Variants in DAPP1 observed in about 807,000 individuals in gnomAD.
The protein encoded by DAPP1 is dual adaptor of phosphotyrosine and 3-phosphoinositides 1.
DAPP1 carries 20 observed loss-of-function variants against 41.5 expected under a neutral mutation model. The observed-to-expected ratio is 0.48, with a 90% CI of 0.34 to 0.70. The LOEUF (loss-of-function observed/expected upper bound fraction) is 0.70, where lower values mean the gene tolerates loss of function less well. DAPP1 is among the 30% of genes least tolerant of loss of function. DAPP1 has a pLI of 0.01. For synonymous variants in DAPP1, 113 were observed against 116.2 expected (o/e 0.97, Z 0.18); for missense variants, 233 against 333.4 (o/e 0.70, Z 2.35).
chr4:99,855,596 T>C (rs1233549266), intron 4 of DAPP1, among the ~76,000 whole-genome samples: 1 of 152,210 alleles, frequency 6.6e-6, no homozygotes, highest in African/African-American at 2.4e-5. Flanking sequence ...GCTTATGAAG[T>C]TGATTGTACA....
chr4:99,866,744 C>A, intron 8 of DAPP1: 4 of 507,162 alleles, frequency 7.9e-6, no homozygotes, highest in Non-Finnish European at 1.4e-5. Flanking sequence ...ATCTTAAAAA[C>A]TTTGATGATT....
At position 99,827,335 on chromosome 4, in the gene DAPP1, C is replaced by G. The variant is rs185522813; in HGVS notation, c.102-8288C>G. 2.8e-3 allele frequency among the ~76,000 whole-genome samples: 419 copies of G among 151,894 alleles called. 3 individuals are homozygous for G. Among genetic ancestry groups the G allele is most frequent in the African/African-American group, 9.5e-3 (395 of 41,386 alleles). On this transcript the variant is annotated intron_variant, in intron 1 of 8. Coordinates refer to ENST00000512369, the MANE Select transcript of DAPP1 (RefSeq NM_014395.3). ...GGATCACGAGGTCAGGAGATCGAGA[C>G]CATCCTGGCTAACAAGGTGAAACCC...
chr4:99,868,327 C>T lies in DAPP1; in HGVS notation c.*142C>T, dbSNP rs770469951. On this transcript the variant is annotated 3_prime_UTR_variant, in exon 9 of 9. Coordinates refer to ENST00000512369, the MANE Select transcript of DAPP1 (RefSeq NM_014395.3). ...TCAGAAGCAGATGCTGATTGGGACC[C>T]ATATACCACGTTGCTGACTCACGTT... is the stretch of plus-strand genomic sequence containing the variant. 2.0e-4 allele frequency: 144 copies of T among 720,060 alleles called. No homozygotes were observed. Among genetic ancestry groups the T allele is most frequent in the Non-Finnish European group, 3.0e-4 (128 of 425,400 alleles). The allele number at this position is 720,060 out of a possible 1,614,324, so 44.6% of individuals were successfully genotyped here. A position where few individuals can be genotyped will look rare whatever the true frequency, so the allele number is the denominator to read the frequency against.
At chr4:99,859,253 G>A (rs1257668781) in intron 4 of DAPP1, among the ~76,000 whole-genome samples, 5 of 151,964 alleles carry the variant, frequency 3.3e-5, no homozygotes, top group African/African-American at 1.2e-4. Context: ...CTTACTTTCT[G>A]AATAGCAAGA....
chr4:99,867,400 A>C (rs528852827), intron 8 of DAPP1, among the ~76,000 whole-genome samples: 24 of 152,358 alleles, frequency 1.6e-4, no homozygotes, highest in African/African-American at 5.5e-4. Context: ...ATATTTAAAA[A>C]CAAAATTTAA....
At chr4:99,838,439 C>T (rs56996205) in intron 2 of DAPP1, among the ~76,000 whole-genome samples, 2 of 152,192 alleles carry the variant, frequency 1.3e-5, no homozygotes, top group African/African-American at 2.4e-5. Context: ...CACTTTGGTA[C>T]GTGTTGTAGA....
At position 99,868,682 on chromosome 4, in the gene DAPP1, TA is replaced by T. The variant is rs398107729; in HGVS notation, c.*499del. On this transcript the variant is annotated 3_prime_UTR_variant, in exon 9 of 9. Coordinates refer to ENST00000512369, the MANE Select transcript of DAPP1 (RefSeq NM_014395.3). ...TTTTCAGGGGAGAGGTTTTTTTTTT[TA>T]ATTTTTCCCCCTTTATACAAAAAAA... 6.6e-6 allele frequency: 1 copy of T among 151,244 alleles called. No individual in the cohort carries two copies. Among genetic ancestry groups the T allele is most frequent in the Non-Finnish European group, 1.5e-5 (1 of 67,830 alleles). The allele number at this position is 151,244 out of a possible 1,614,324, so 9.4% of individuals were successfully genotyped here.
At chr4:99,859,427 C>T (rs752623995) in intron 4 of DAPP1, among the ~76,000 whole-genome samples, 3 of 152,108 alleles carry the variant, frequency 2.0e-5, no homozygotes, top group Non-Finnish European at 2.9e-5. Context: ...ACTCAGTGAG[C>T]AGAGCTGGGA....
At chr4:99,859,086 T>A (rs534743280) in intron 4 of DAPP1, among the ~76,000 whole-genome samples, 43 of 152,178 alleles carry the variant, frequency 2.8e-4, no homozygotes, top group South Asian at 6.2e-4. Context: ...TTCATTTTTT[T>A]ATTTTTTTTT....
chr4:99,856,800 A>G (rs919133), intron 4 of DAPP1, among the ~76,000 whole-genome samples: 75,652 of 151,438 alleles, frequency 0.5, 19,560 homozygotes, highest in African/African-American at 0.64. Flanking sequence ...ATCAGTATTT[A>G]TGCTAATTCC....
intron 3 of DAPP1, among the ~76,000 whole-genome samples, chr4:99,849,465 G>A (rs1723781257): frequency 6.6e-6 from 1 of 152,136 alleles, no homozygotes; most frequent in East Asian, 1.9e-4. Context: ...TTGACTGATA[G>A]GTGCGCTGAA....
rs145408728 is a variant in DAPP1, at chr4:99,824,255, C to T, written c.101+7241C>T. On this transcript the variant is annotated intron_variant, in intron 1 of 8. Coordinates refer to ENST00000512369, the MANE Select transcript of DAPP1 (RefSeq NM_014395.3). ...GTTTATTCATCTTTGCCTTCTCCAT[C>T]TGAGCATACCACTTGATAAAGAGCA... is the stretch of plus-strand genomic sequence containing the variant. Among the ~76,000 whole-genome samples the T allele has an allele frequency of 1.4e-3, 219 of 152,350 alleles. 1 individual carries two copies. Among genetic ancestry groups the T allele is most frequent in the South Asian group, 0.012 (58 of 4,834 alleles).
At chr4:99,835,046 T>C (rs2110142677) in intron 1 of DAPP1, among the ~76,000 whole-genome samples, 1 of 152,018 alleles carries the variant, frequency 6.6e-6, no homozygotes, top group East Asian at 1.9e-4. Context: ...TTGCACTCTG[T>C]TACCCAGGCT....
intron 2 of DAPP1, among the ~76,000 whole-genome samples, chr4:99,836,078 C>T (rs762291413): frequency 2.0e-5 from 3 of 152,168 alleles, no homozygotes; most frequent in African/African-American, 7.2e-5. Context: ...ATTCCTGACA[C>T]CTGGCTCAGT....
intron 3 of DAPP1, among the ~76,000 whole-genome samples, chr4:99,851,205 C>T (rs1723845033): frequency 1.3e-5 from 2 of 152,206 alleles, no homozygotes; most frequent in Non-Finnish European, 2.9e-5. Context: ...GGCCCCTTCT[C>T]CTCATATGAC....
intron 3 of DAPP1, among the ~76,000 whole-genome samples, chr4:99,847,976 G>A (rs189455830): frequency 8.6e-5 from 13 of 152,024 alleles, no homozygotes; most frequent in African/African-American, 2.9e-4. Context: ...ACCATGCCCG[G>A]CTAATTTTTG....
At chr4:99,834,176 A>T (rs1234512636) in intron 1 of DAPP1, among the ~76,000 whole-genome samples, 1 of 152,228 alleles carries the variant, frequency 6.6e-6, no homozygotes, top group Non-Finnish European at 1.5e-5. Flanking sequence ...GGTGCAGAGC[A>T]ATATGCCTAG....
At chr4:99,864,367 T>TC (rs1724356198) in intron 7 of DAPP1, 2 of 152,622 alleles carry the variant, frequency 1.3e-5, no homozygotes, top group African/African-American at 4.8e-5. Flanking sequence ...TTACATACCC[T>TC]CCATAGCAGT....
intron 4 of DAPP1, among the ~76,000 whole-genome samples, chr4:99,861,340 G>A (rs867001648): frequency 4.6e-5 from 7 of 152,150 alleles, no homozygotes; most frequent in Non-Finnish European, 4.4e-5. Flanking sequence ...AAATGATGTC[G>A]TTTATTGTTT....
Sources: gnomAD v4.1 joint callset for allele counts (sites outside exome capture counted in the v4.1 genomes callset) on GRCh38, gnomAD v4.1.1 for gene constraint, MANE v1.5 for transcripts, NCBI Gene and HGNC (gene_info 2026-07-23, HGNC 2026-07-21) for gene names.